EYS: variants seen among roughly 807,000 people sequenced by gnomAD.
EYS encodes EGF-like photoreceptor maintenance factor.
EYS carries 250 observed loss-of-function variants against 282.1 expected under a neutral mutation model. The ratio of observed to expected loss-of-function variants is 0.89; its 90% CI spans 0.80 to 0.98. EYS has a LOEUF of 0.98. Among genes scored for constraint, EYS ranks in the 50% least tolerant of loss-of-function variants. The probability of loss-of-function intolerance (pLI) is 0.00; values close to 1 mark genes in which losing one functional copy is unlikely to be tolerated. For synonymous variants in EYS, 1,355 were observed against 1,282.9 expected, an observed-to-expected ratio of 1.06 and a Z score of -1.20; for missense variants, 4,016 against 3,709.0, an observed-to-expected ratio of 1.08 and a Z score of -2.15.
chr6:64,782,934 GT>G (rs1773906409), intron 22 of EYS, among the ~76,000 whole-genome samples: 1 of 152,106 alleles, frequency 6.6e-6, no homozygotes, highest in Non-Finnish European at 1.5e-5. Flanking sequence ...ATTACCAATG[GT>G]CAGCCATCTT....
intron 22 of EYS, among the ~76,000 whole-genome samples, chr6:64,807,582 T>G (rs1764470109): frequency 6.6e-6 from 1 of 152,192 alleles, no homozygotes; most frequent in African/African-American, 2.4e-5. Context: ...ATTTGTCATG[T>G]AACTTTTCTC....
intron 28 of EYS, among the ~76,000 whole-genome samples, chr6:64,392,784 G>T (rs1038800946): frequency 2.7e-5 from 4 of 150,636 alleles, no homozygotes; most frequent in South Asian, 2.1e-4. Context: ...AATCAGAGCA[G>T]AACTGAAGGA....
At chr6:64,023,988 ACATGCAGCTCGC>A (rs1769339004) in intron 33 of EYS, among the ~76,000 whole-genome samples, 1 of 152,128 alleles carries the variant, frequency 6.6e-6, no homozygotes, top group Non-Finnish European at 1.5e-5. Flanking sequence ...AGGGCTCAGG[ACATGCAGCTCGC>A]CATGCCTGAG....
intron 8 of EYS, among the ~76,000 whole-genome samples, chr6:65,359,950 G>T (rs1031294493): frequency 6.6e-6 from 1 of 151,446 alleles, no homozygotes; most frequent in Non-Finnish European, 1.5e-5. Flanking sequence ...AATTCTCACA[G>T]GTCTAAGACA....
chr6:64,736,257 T>C (rs1413416967), intron 22 of EYS, among the ~76,000 whole-genome samples: 1 of 152,112 alleles, frequency 6.6e-6, no homozygotes, highest in East Asian at 1.9e-4. Flanking sequence ...TATTACCTTT[T>C]ATAAAAATGA....
intron 22 of EYS, among the ~76,000 whole-genome samples, chr6:64,650,414 G>A (rs1201584899): frequency 2.0e-5 from 3 of 151,842 alleles, no homozygotes; most frequent in Non-Finnish European, 2.9e-5. Flanking sequence ...AAAACTTTTA[G>A]CCAGTGTGAC....
chr6:65,070,752 G>A (rs367807522), intron 12 of EYS, among the ~76,000 whole-genome samples: 4 of 151,690 alleles, frequency 2.6e-5, no homozygotes, highest in South Asian at 2.1e-4. Flanking sequence ...TATTTGCATC[G>A]CATGATACCA....
intron 2 of EYS, among the ~76,000 whole-genome samples, chr6:65,553,406 T>C (rs2127335577): frequency 6.6e-6 from 1 of 152,252 alleles, no homozygotes; most frequent in Non-Finnish European, 1.5e-5. Flanking sequence ...AACAAAGTGA[T>C]AAACAGGAAG....
intron 27 of EYS, among the ~76,000 whole-genome samples, chr6:64,437,164 A>G (rs577356091): frequency 6.6e-6 from 1 of 151,852 alleles, no homozygotes; most frequent in East Asian, 1.9e-4. Context: ...AGTTGACTTT[A>G]AAAACTCCAA....
chr6:64,966,300 T>G (rs1218821856), intron 14 of EYS, among the ~76,000 whole-genome samples: 1 of 152,176 alleles, frequency 6.6e-6, no homozygotes, highest in Non-Finnish European at 1.5e-5. Context: ...GTTAGTATGT[T>G]TTGTCAAAAT....
At chr6:65,297,921 A>C (rs1417041255) in intron 11 of EYS, among the ~76,000 whole-genome samples, 1 of 152,066 alleles carries the variant, frequency 6.6e-6, no homozygotes, top group Non-Finnish European at 1.5e-5. Context: ...TTCACTTTTA[A>C]CAGTGTTCTG....
At chr6:65,281,035 CA>C (rs35633005) in intron 12 of EYS, among the ~76,000 whole-genome samples, 50 of 101,944 alleles carry the variant, frequency 4.9e-4, no homozygotes, top group African/African-American at 1.7e-3. Flanking sequence ...GATGCCATCT[CA>C]AAAAAAAAAA....
At chr6:64,507,777 C>A (rs945251305) in intron 26 of EYS, among the ~76,000 whole-genome samples, 1 of 152,172 alleles carries the variant, frequency 6.6e-6, no homozygotes, top group Non-Finnish European at 1.5e-5. Context: ...CTGGTTAATT[C>A]TCTAAGGAAT....
At chr6:64,517,660 T>C (rs1433376740) in intron 26 of EYS, among the ~76,000 whole-genome samples, 1 of 151,778 alleles carries the variant, frequency 6.6e-6, no homozygotes, top group African/African-American at 2.4e-5. Context: ...ATCTTCATGT[T>C]CATGTGAGGC....
intron 30 of EYS, among the ~76,000 whole-genome samples, chr6:64,300,189 G>T (rs993936428): frequency 1.3e-5 from 2 of 152,122 alleles, no homozygotes; most frequent in African/African-American, 4.8e-5. Flanking sequence ...GGCATTAGAG[G>T]CTGGAGCCAC....
chr6:65,173,733 T>C (rs1470345913), intron 12 of EYS, among the ~76,000 whole-genome samples: 1 of 151,184 alleles, frequency 6.6e-6, no homozygotes, highest in African/African-American at 2.4e-5. Context: ...TCTCCTATGA[T>C]ACAATATATG....
At chr6:64,952,351 A>G (rs934456409) in intron 14 of EYS, among the ~76,000 whole-genome samples, 2 of 152,030 alleles carry the variant, frequency 1.3e-5, no homozygotes, top group Admixed American at 1.3e-4. Context: ...GACTTATATA[A>G]TTTTAAGCAT....
At chr6:65,066,471 CT>C (rs1023567585) in intron 12 of EYS, among the ~76,000 whole-genome samples, 1 of 152,088 alleles carries the variant, frequency 6.6e-6, no homozygotes, top group African/African-American at 2.4e-5. Context: ...TAAATGAATA[CT>C]TTTTTGTATA....
intron 12 of EYS, among the ~76,000 whole-genome samples, chr6:65,166,802 C>A (rs1227747279): frequency 1.3e-5 from 2 of 150,754 alleles, no homozygotes; most frequent in African/African-American, 2.4e-5. Context: ...TATAAGGAAC[C>A]ACTAATTCAG....
Sources: allele counts gnomAD v4.1 joint callset (sites outside exome capture counted in the v4.1 genomes callset), GRCh38; gene constraint gnomAD v4.1.1; transcripts MANE v1.5; gene names NCBI Gene and HGNC (gene_info 2026-07-23, HGNC 2026-07-21).